The following PLA2R1 variants were observed in gnomAD, a reference collection of about 807,000 sequenced individuals.
PLA2R1 encodes secretory phospholipase A2 receptor.
In PLA2R1, 158 loss-of-function variants were observed where a neutral mutation model predicts 195.9. The ratio of observed to expected loss-of-function variants is 0.81; its 90% CI spans 0.71 to 0.92. PLA2R1 has a LOEUF of 0.92. Ranked by LOEUF, PLA2R1 falls within the 40% of genes least tolerant of loss-of-function variation. PLA2R1 has a pLI of 0.00. For synonymous variants in PLA2R1, 586 were observed against 598.2 expected, an observed-to-expected ratio of 0.98 and a Z score of 0.30; for missense variants, 1,626 against 1,764.6, an observed-to-expected ratio of 0.92 and a Z score of 1.41.
chr2:160,055,292 A>G (rs1050435001), intron 1 of PLA2R1, among the ~76,000 whole-genome samples: 4 of 152,220 alleles, frequency 2.6e-5, no homozygotes, highest in Non-Finnish European at 5.9e-5. Context: ...AAATGGGAGA[A>G]ACGGAGTCAA....
intron 3 of PLA2R1, among the ~76,000 whole-genome samples, chr2:160,035,410 G>C (rs1001916544): frequency 6.6e-6 from 1 of 152,170 alleles, no homozygotes; most frequent in South Asian, 2.1e-4. Context: ...GGTCAATGTA[G>C]TGGTATACTT....
At chr2:160,058,715 A>T (rs989086387) in intron 1 of PLA2R1, among the ~76,000 whole-genome samples, 1 of 152,092 alleles carries the variant, frequency 6.6e-6, no homozygotes, top group Non-Finnish European at 1.5e-5. Context: ...AAGGGCTCAG[A>T]TTCTGATCAG....
At chr2:160,032,733 C>A (rs1693932998) in intron 4 of PLA2R1, among the ~76,000 whole-genome samples, 1 of 152,192 alleles carries the variant, frequency 6.6e-6, no homozygotes, top group Admixed American at 6.5e-5. Context: ...GCTGTGGCCT[C>A]AAATTCTCTT....
chr2:159,990,177 G>T (rs530487849), intron 11 of PLA2R1, among the ~76,000 whole-genome samples: 1 of 152,264 alleles, frequency 6.6e-6, no homozygotes, highest in East Asian at 1.9e-4. Flanking sequence ...AAGGGTAAGG[G>T]TGTGGGAAAG....
At chr2:159,924,689 A>C in the PLA2R1 span, among the ~76,000 whole-genome samples, 1 of 131,398 alleles carries the variant, frequency 7.6e-6, no homozygotes, top group Non-Finnish European at 1.6e-5. Context: ...CTAAGGAAAG[A>C]CCATTTACCT....
At chr2:159,926,102 G>A in the PLA2R1 span, among the ~76,000 whole-genome samples, 2 of 152,204 alleles carry the variant, frequency 1.3e-5, no homozygotes, top group Non-Finnish European at 2.9e-5. Context: ...GCTGACACCA[G>A]TATCAACAAA....
downstream of PLA2R1, among the ~76,000 whole-genome samples, chr2:159,931,185 G>A (rs553253734): frequency 5.3e-5 from 8 of 152,292 alleles, no homozygotes; most frequent in South Asian, 4.1e-4. Flanking sequence ...TGTTTGTTCC[G>A]AAATCCGTTA....
chr2:159,950,226 A>G (rs945771935), intron 24 of PLA2R1, among the ~76,000 whole-genome samples: 2 of 152,216 alleles, frequency 1.3e-5, no homozygotes, highest in African/African-American at 4.8e-5. Flanking sequence ...ATTCTGTACT[A>G]CATGATGCAA....
Position 159,983,239 on chromosome 2 carries a change from T to C in PLA2R1, c.2183+689A>G, listed in dbSNP as rs376638956. Among the ~76,000 whole-genome samples the C allele has an allele frequency of 2.6e-5, 4 of 152,154 alleles. No individual in the cohort carries two copies. The East Asian group carries it at 5.8e-4, about 22-fold the overall frequency. ...TCCCAAATAAGAAGCATTCTGAAACTGGAAGGAATTATGCAGACAGCAGAT... is the reference window on the plus strand; with the variant it reads ...TCCCAAATAAGAAGCATTCTGAAACCGGAAGGAATTATGCAGACAGCAGAT... On this transcript the variant is annotated intron_variant, in intron 13 of 29. Transcript: ENST00000283243.
At chr2:159,948,382 G>A (rs892947312) in intron 25 of PLA2R1, among the ~76,000 whole-genome samples, 4 of 151,510 alleles carry the variant, frequency 2.6e-5, no homozygotes, top group Admixed American at 6.6e-5. Context: ...CTATAGGCAC[G>A]TACCACCAAG....
chr2:159,952,731 A>T (rs2125933307), intron 23 of PLA2R1, among the ~76,000 whole-genome samples: 1 of 152,296 alleles, frequency 6.6e-6, no homozygotes, highest in South Asian at 2.1e-4. Flanking sequence ...CACACAAGGC[A>T]CACACTATTG....
intron 7 of PLA2R1, 41 bp downstream of exon 7, chr2:160,022,624 T>C (rs766666477): frequency 2.4e-6 from 3 of 1,225,592 alleles, no homozygotes; most frequent in Admixed American, 4.7e-5. Flanking sequence ...GTTACTACAT[T>C]ATATTTTATG....
chr2:160,012,591 T>C (rs975309156), intron 10 of PLA2R1, among the ~76,000 whole-genome samples: 3 of 150,664 alleles, frequency 2.0e-5, no homozygotes, highest in Non-Finnish European at 1.5e-5. Flanking sequence ...ACAACTCACA[T>C]ACATTACATC....
At chr2:160,039,763 G>A (rs1472920189) in intron 3 of PLA2R1, among the ~76,000 whole-genome samples, 1 of 151,984 alleles carries the variant, frequency 6.6e-6, no homozygotes, top group Non-Finnish European at 1.5e-5. Flanking sequence ...AAGGGCAGGA[G>A]GGCTGGAATC....
rs1004598472 is a variant in PLA2R1 at position 159,967,415 on chromosome 2, C to CA, written c.2904+123dup. ...AACTCAAATTTCTTGAAAGTTGTGA[C>CA]AAAAAAATTCCAGGTCCTATGGACA... On this transcript the variant is annotated intron_variant, in intron 20 of 29. Transcript: ENST00000283243. 5.3e-5 allele frequency: 38 copies of CA among 711,932 alleles called. No homozygotes were observed. In the Admixed American group the frequency reaches 9.5e-4, roughly 18 times the overall value. 44.1% of individuals were successfully genotyped at this position (711,932 alleles called of 1,614,324 possible).
intron 3 of PLA2R1, 61 bp downstream of exon 3, chr2:160,041,964 T>C: frequency 1.5e-6 from 2 of 1,331,956 alleles, no homozygotes; most frequent in Non-Finnish European, 2.1e-6. Flanking sequence ...TAGATACAGA[T>C]AACTTTCTAA....
chr2:159,984,017 A>G lies in PLA2R1; in HGVS notation c.2094T>C (p.Phe698=), dbSNP rs1042199826. The change falls in exon 13 of 30, where the codon TTT becomes TTC. Residue 698 remains phenylalanine (F), a synonymous_variant. Transcript: ENST00000283243. ...MKRTWREAEA[F]CEEFGAHLAS... ...CAAGATGAGCTCCAAATTCTTCGCA[A>G]AATGCTTCAGCTTCTCTCCATGTTC... is the stretch of plus-strand genomic sequence containing the variant. 1 of 1,597,532 alleles carries G rather than the reference A, an allele frequency of 6.3e-7. No individual in the cohort carries two copies.
At chr2:160,038,284 C>A (rs1453804850) in intron 3 of PLA2R1, among the ~76,000 whole-genome samples, 1 of 152,216 alleles carries the variant, frequency 6.6e-6, no homozygotes, top group Middle Eastern at 3.2e-3. Context: ...AAGAAGCACC[C>A]AGGGGTGTGC....
At chr2:159,985,739 C>T (rs1690280246) in intron 12 of PLA2R1, among the ~76,000 whole-genome samples, 1 of 152,042 alleles carries the variant, frequency 6.6e-6, no homozygotes, top group Admixed American at 6.6e-5. Context: ...CATTTAACAC[C>T]CTCTGAGTGT....
Sources: allele counts gnomAD v4.1 joint callset (sites outside exome capture counted in the v4.1 genomes callset), GRCh38; gene constraint gnomAD v4.1.1; transcripts MANE v1.5; gene names NCBI Gene and HGNC (gene_info 2026-07-23, HGNC 2026-07-21).